Variants in CCDC73 observed in about 807,000 individuals in gnomAD.
CCDC73 encodes coiled-coil domain containing 73.
In CCDC73, 95 loss-of-function variants were observed where a neutral mutation model predicts 116.5. The observed-to-expected ratio is 0.82, with a 90% CI of 0.69 to 0.97. CCDC73 has a LOEUF of 0.97. Ranked by LOEUF, CCDC73 falls within the 50% of genes least tolerant of loss-of-function variation. CCDC73 has a pLI of 0.00. For synonymous variants in CCDC73, 398 were observed against 401.3 expected, an observed-to-expected ratio of 0.99 and a Z score of 0.10; for missense variants, 1,066 against 1,206.8, an observed-to-expected ratio of 0.88 and a Z score of 1.73.
In CCDC73 at chr11:32,614,744, T is replaced by C; in HGVS notation, c.1574A>G (p.Asp525Gly). Reference sequence around the variant, plus strand: ...TGATTTAAATTCTGTACATCCATTGTCTTTTTCCAAGCATATCTTGTCTTT... The same window carrying C: ...TGATTTAAATTCTGTACATCCATTGCCTTTTTCCAAGCATATCTTGTCTTT... ...EIKDKICLEK[D>G]NGCTEFKSPN... is the part of the protein sequence containing the mutation. Residue 525 changes from aspartate to glycine, a missense_variant, in exon 16 of 18, where the codon GAC (aspartate) becomes GGC (glycine). Transcript: ENST00000335185. The C allele has an allele frequency of 6.2e-7, 1 of 1,613,066 alleles. No individual in the cohort carries two copies. The highest frequency in any genetic ancestry group is 8.5e-7 in the Non-Finnish European group (1 of 1,179,448).
chr11:32,645,616 G>A (rs1855771981), intron 12 of CCDC73, among the ~76,000 whole-genome samples: 2 of 151,924 alleles, frequency 1.3e-5, no homozygotes, highest in African/African-American at 4.8e-5. Flanking sequence ...AATAGGAGGA[G>A]TAAACTAAAA....
intron 13 of CCDC73, among the ~76,000 whole-genome samples, chr11:32,641,707 A>ATG (rs1554962528): frequency 0.014 from 1,130 of 80,742 alleles, 16 homozygotes; most frequent in African/African-American, 0.051. Context: ...ATATATATAT[A>ATG]TGTGTGTGTA....
At chr11:32,765,526 C>T (rs991354117) in intron 1 of CCDC73, among the ~76,000 whole-genome samples, 2 of 152,146 alleles carry the variant, frequency 1.3e-5, no homozygotes, top group Non-Finnish European at 2.9e-5. Flanking sequence ...GGGTCTATAA[C>T]AAAATGAAGG....
chr11:32,828,446 G>A, the CCDC73 span, among the ~76,000 whole-genome samples: 3 of 150,868 alleles, frequency 2.0e-5, no homozygotes, highest in South Asian at 2.1e-4. Context: ...GGAGGCGAAG[G>A]TTACAGTAAG....
chr11:32,695,991 A>T (rs1203795509), intron 6 of CCDC73, among the ~76,000 whole-genome samples: 1 of 152,108 alleles, frequency 6.6e-6, no homozygotes, highest in Non-Finnish European at 1.5e-5. Flanking sequence ...CGTAAGAAAA[A>T]ATGTTTAGCT....
intron 9 of CCDC73, among the ~76,000 whole-genome samples, chr11:32,661,994 T>C (rs1033827201): frequency 1.3e-5 from 2 of 151,976 alleles, no homozygotes; most frequent in Admixed American, 6.6e-5. Flanking sequence ...TTCATCCATG[T>C]CCCTACAAAG....
At chr11:32,827,466 T>C in the CCDC73 span, among the ~76,000 whole-genome samples, 1 of 152,168 alleles carries the variant, frequency 6.6e-6, no homozygotes. Flanking sequence ...ACTCTGATAT[T>C]TGATGTCAGC....
At chr11:32,719,799 A>G (rs1276149426) in intron 2 of CCDC73, among the ~76,000 whole-genome samples, 1 of 152,180 alleles carries the variant, frequency 6.6e-6, no homozygotes, top group Admixed American at 6.5e-5. Context: ...AAATTTGACA[A>G]CTTAGAGAAA....
chr11:32,812,255 C>T, the CCDC73 span, among the ~76,000 whole-genome samples: 36 of 152,168 alleles, frequency 2.4e-4, no homozygotes, highest in Non-Finnish European at 3.4e-4. Context: ...TGGCTGGGTG[C>T]GGTGGCTCAC....
intron 1 of CCDC73, among the ~76,000 whole-genome samples, chr11:32,767,620 TA>T (rs1390917435): frequency 6.6e-6 from 1 of 151,930 alleles, no homozygotes; most frequent in Non-Finnish European, 1.5e-5. Flanking sequence ...CAAACAAATT[TA>T]CAAGAAAAAA....
At chr11:32,678,610 T>A (rs755010161) in intron 7 of CCDC73, among the ~76,000 whole-genome samples, 44 of 151,982 alleles carry the variant, frequency 2.9e-4, no homozygotes, top group Admixed American at 9.8e-4. Flanking sequence ...AAGGGCTGGG[T>A]CATGGTGGCT....
rs74571157 is a variant in CCDC73 at position 32,649,261 on chromosome 11, T to A, written c.939+3862A>T. Among the ~76,000 whole-genome samples the A allele has an allele frequency of 4.9e-3, 741 of 152,306 alleles. 2 individuals carry two copies. Among genetic ancestry groups the A allele is most frequent in the Admixed American group, 9.8e-3 (150 of 15,302 alleles). On this transcript the variant is annotated intron_variant, in intron 12 of 17. Coordinates refer to ENST00000335185, the MANE Select transcript of CCDC73 (RefSeq NM_001008391.4). ...ATGAAGCCATTTGCTAATGCTTTAA[T>A]CTTCCAAAAACTAACTAAATGACCC... is the stretch of plus-strand genomic sequence containing the variant.
the CCDC73 span, among the ~76,000 whole-genome samples, chr11:32,816,065 C>T: frequency 6.6e-6 from 1 of 152,254 alleles, no homozygotes; most frequent in South Asian, 2.1e-4. Context: ...ACTTTAGTAA[C>T]TTTTCAGATG....
At chr11:32,692,049 CAAAAAAA>C (rs1173539877) in intron 6 of CCDC73, among the ~76,000 whole-genome samples, 959 of 60,782 alleles carry the variant, frequency 0.016, 23 homozygotes, top group African/African-American at 0.049. Context: ...CTCCGTCTCA[CAAAAAAA>C]AAAAAAAAAA....
chr11:32,637,011 C>CTTTTTTTTTTTTTTTTTTTT (rs750191536), intron 13 of CCDC73, among the ~76,000 whole-genome samples: 1 of 62,316 alleles, frequency 1.6e-5, no homozygotes, highest in South Asian at 4.6e-4. Context: ...TTCACTTTTT[C>CTTTTTTTTTTTTTTTTTTTT]TTTTTCTTTT....
chr11:32,683,140 G>A (rs7926224), intron 7 of CCDC73: 5,975 of 220,454 alleles, frequency 0.027, 106 homozygotes, highest in Middle Eastern at 0.048. Flanking sequence ...TCATATTTGG[G>A]ATATTTTGGG....
chr11:32,683,689 T>C (rs1391378131), intron 6 of CCDC73, 115 bp from the exon 7 acceptor site: 24 of 626,928 alleles, frequency 3.8e-5, no homozygotes, highest in Non-Finnish European at 6.7e-5. Flanking sequence ...TGTACCATTA[T>C]TGATTTATTC....
chr11:32,613,549 A>C lies in CCDC73; in HGVS notation c.2769T>G (p.Ser923Arg). ...GCAACAAAGAAATGCAAGGGGTCGA[A>C]CTGCTCGCTGTTTGACTTTCAATGT... is the stretch of plus-strand genomic sequence containing the variant. ...VNHIESQTAS[S>R]STPCISLLLK... is the part of the protein sequence containing the mutation. The change falls in exon 16 of 18, where the codon AGT becomes AGG. Residue 923 changes from serine to arginine, a missense_variant. Ser to Arg is a moderately radical substitution (Grantham distance 110). Transcript: ENST00000335185. The C allele has an allele frequency of 6.2e-7, 1 of 1,614,148 alleles. No homozygotes were observed. The highest frequency in any genetic ancestry group is 8.5e-7 in the Non-Finnish European group (1 of 1,180,012).
At chr11:32,795,479 AG>A (rs1466117542), upstream of CCDC73, among the ~76,000 whole-genome samples, 1,990 of 31,530 alleles carry the variant, frequency 0.063, 24 homozygotes, top group East Asian at 0.2. Flanking sequence ...AAAAAAAAAA[AG>A]AAAAGAAAAG....
Sources: gnomAD v4.1 joint callset for allele counts (sites outside exome capture counted in the v4.1 genomes callset) on GRCh38, gnomAD v4.1.1 for gene constraint, MANE v1.5 for transcripts, NCBI Gene and HGNC (gene_info 2026-07-23, HGNC 2026-07-21) for gene names.